DLG2: variants seen among roughly 807,000 people sequenced by gnomAD.
The protein encoded by DLG2 is discs large MAGUK scaffold protein 2.
DLG2 carries 45 observed loss-of-function variants against 132.5 expected under a neutral mutation model. That is an observed-to-expected ratio of 0.34 (90% CI 0.27 to 0.44). The LOEUF is 0.44. Among genes scored for constraint, DLG2 ranks in the 20% least tolerant of loss-of-function variants. The probability of loss-of-function intolerance (pLI) is 1.00; values close to 1 mark genes in which losing one functional copy is unlikely to be tolerated. For missense variants in DLG2, 1,045 were observed against 1,196.9 expected (o/e 0.87, Z 1.87); for synonymous variants, 424 against 419.6 (o/e 1.01, Z -0.13).
intron 14 of DLG2, among the ~76,000 whole-genome samples, chr11:83,949,043 G>A (rs2084767010): frequency 6.6e-6 from 1 of 152,080 alleles, no homozygotes; most frequent in Non-Finnish European, 1.5e-5. Flanking sequence ...ATAAATGACA[G>A]TAATTATTAA....
intron 7 of DLG2, among the ~76,000 whole-genome samples, chr11:84,487,433 A>G (rs1263651255): frequency 6.6e-6 from 1 of 152,070 alleles, no homozygotes; most frequent in Non-Finnish European, 1.5e-5. Context: ...TAACAGAAAA[A>G]TCTCTCTGGG....
rs192519849 is a variant in DLG2, at chr11:83,881,245, T to G, written c.1497-6757A>C. ...TGGACTTTTACAATTTGCTGAATTT[T>G]ATTGCTAAGCTTAGAGTCCACTGAA... On this transcript the variant is annotated intron_variant, in intron 15 of 27. Coordinates refer to ENST00000376104, the MANE Select transcript of DLG2 (RefSeq NM_001142699.3). 1.1e-3 allele frequency among the ~76,000 whole-genome samples: 167 copies of G among 152,288 alleles called. 1 individual carries two copies. The highest frequency in any genetic ancestry group is 3.8e-3 in the African/African-American group (158 of 41,574).
intron 6 of DLG2, among the ~76,000 whole-genome samples, chr11:84,825,022 A>G (rs2078164994): frequency 1.3e-5 from 2 of 151,878 alleles, no homozygotes; most frequent in Non-Finnish European, 2.9e-5. Context: ...TGTGAGAAAC[A>G]CTATTGAAAA....
intron 8 of DLG2, among the ~76,000 whole-genome samples, chr11:84,245,540 G>A (rs2097292124): frequency 1.3e-5 from 2 of 152,212 alleles, no homozygotes; most frequent in East Asian, 1.9e-4. Flanking sequence ...CAAGAGACCT[G>A]AAACTTCTCC....
chr11:84,854,360 G>A (rs1443640498), intron 6 of DLG2, among the ~76,000 whole-genome samples: 5 of 151,654 alleles, frequency 3.3e-5, no homozygotes, highest in Non-Finnish European at 2.9e-5. Context: ...TTGCAAGACT[G>A]GAATGGTATT....
chr11:84,556,498 A>G (rs1406623467), intron 6 of DLG2, among the ~76,000 whole-genome samples: 2 of 152,218 alleles, frequency 1.3e-5, no homozygotes, highest in Admixed American at 1.3e-4. Context: ...GGCCACACAT[A>G]AAACACACTG....
intron 6 of DLG2, among the ~76,000 whole-genome samples, chr11:85,088,898 T>C (rs577618120): frequency 6.6e-6 from 1 of 152,308 alleles, no homozygotes; most frequent in African/African-American, 2.4e-5. Context: ...TCAGCATGGT[T>C]CAGTAACATT....
intron 6 of DLG2, among the ~76,000 whole-genome samples, chr11:84,580,068 G>T (rs1235470269): frequency 6.6e-6 from 1 of 152,140 alleles, no homozygotes; most frequent in African/African-American, 2.4e-5. Context: ...TGTCTTGTTG[G>T]CAGACTTCTA....
chr11:84,650,893 A>G (rs867786352), intron 6 of DLG2, among the ~76,000 whole-genome samples: 43 of 145,290 alleles, frequency 3.0e-4, no homozygotes, highest in Non-Finnish European at 2.9e-4. Flanking sequence ...ATATATATAT[A>G]TATATATAAA....
At chr11:83,858,274 G>A (rs1234256200) in intron 16 of DLG2, among the ~76,000 whole-genome samples, 4 of 152,142 alleles carry the variant, frequency 2.6e-5, no homozygotes, top group Non-Finnish European at 5.9e-5. Context: ...GGGTATGTCA[G>A]GGGGTCAAAA....
intron 15 of DLG2, among the ~76,000 whole-genome samples, chr11:83,888,941 A>G (rs146347596): frequency 0.025 from 3,849 of 152,328 alleles, 176 homozygotes; most frequent in African/African-American, 0.087. Context: ...CTTACACCTT[A>G]CACAAAAGTT....
At chr11:83,668,050 T>A in intron 18 of DLG2, among the ~76,000 whole-genome samples, 1 of 128,338 alleles carries the variant, frequency 7.8e-6, no homozygotes, top group Non-Finnish European at 1.6e-5. Flanking sequence ...CACTTTGCAA[T>A]TTTCTGGGGA....
intron 16 of DLG2, among the ~76,000 whole-genome samples, chr11:83,860,891 G>C (rs749716069): frequency 4.6e-5 from 7 of 152,086 alleles, no homozygotes; most frequent in African/African-American, 1.7e-4. Flanking sequence ...AGATCTGATG[G>C]TTTTAAAAAC....
intron 6 of DLG2, among the ~76,000 whole-genome samples, chr11:84,568,904 A>C (rs2099468922): frequency 6.6e-6 from 1 of 152,220 alleles, no homozygotes; most frequent in African/African-American, 2.4e-5. Flanking sequence ...TAAAATTCTA[A>C]GGAGCATAAC....
chr11:83,939,692 T>C (rs1337241524), intron 14 of DLG2, among the ~76,000 whole-genome samples: 1 of 149,168 alleles, frequency 6.7e-6, no homozygotes, highest in Non-Finnish European at 1.5e-5. Context: ...GCTTTGGGTT[T>C]TAAAATTCAC....
At chr11:83,587,864 C>A (rs1317197037) in intron 19 of DLG2, among the ~76,000 whole-genome samples, 1 of 152,180 alleles carries the variant, frequency 6.6e-6, no homozygotes, top group Admixed American at 6.5e-5. Flanking sequence ...CTTTCTGAGT[C>A]AAGGAAAGGG....
intron 9 of DLG2, among the ~76,000 whole-genome samples, chr11:84,111,693 C>T (rs554982620): frequency 6.6e-6 from 1 of 152,322 alleles, no homozygotes; most frequent in South Asian, 2.1e-4. Context: ...ATCTGTTCAA[C>T]ATTGTGTCAA....
chr11:84,845,442 T>C (rs1388565523), intron 6 of DLG2, among the ~76,000 whole-genome samples: 8 of 152,050 alleles, frequency 5.3e-5, no homozygotes, highest in Non-Finnish European at 1.0e-4. Flanking sequence ...AATAAACAAA[T>C]AATGATATAA....
intron 7 of DLG2, among the ~76,000 whole-genome samples, chr11:84,420,274 C>G (rs1004928297): frequency 2.6e-5 from 4 of 152,130 alleles, no homozygotes; most frequent in African/African-American, 9.7e-5. Context: ...CTGCAAGAGC[C>G]GCACTTTATG....
Sources: gnomAD v4.1 joint callset for allele counts (sites outside exome capture counted in the v4.1 genomes callset) on GRCh38, gnomAD v4.1.1 for gene constraint, MANE v1.5 for transcripts, NCBI Gene and HGNC (gene_info 2026-07-23, HGNC 2026-07-21) for gene names.